Variants in FAM177A1 observed in about 807,000 individuals in gnomAD.
FAM177A1 encodes family with sequence similarity 177 member A1.
A neutral mutation model predicts 26.1 loss-of-function variants in FAM177A1; 22 were observed. The observed-to-expected ratio is 0.84, with a 90% confidence interval of 0.60 to 1.20. The LOEUF (loss-of-function observed/expected upper bound fraction) is 1.20, where lower values mean the gene tolerates loss of function less well. Ranked by LOEUF, FAM177A1 falls within the 50% of genes most tolerant of loss-of-function variation. The pLI, the probability that FAM177A1 is intolerant of heterozygous loss-of-function variation, is 0.00. For missense variants in FAM177A1, 296 were observed against 291.1 expected, an observed-to-expected ratio of 1.02 and a Z score of -0.12; for synonymous variants, 95 against 99.3, an observed-to-expected ratio of 0.96 and a Z score of 0.26.
In FAM177A1 at chr14:35,079,018, G is replaced by A. The variant is rs951531869; in HGVS notation, c.498G>A (p.Lys166=). 1 of 1,554,280 alleles carries A rather than the reference G, an allele frequency of 6.4e-7. No individual in the cohort carries two copies. The highest frequency in any genetic ancestry group is 8.6e-7 in the Non-Finnish European group (1 of 1,160,842). ...QYAIDEYYRM[K]KEEEEEEEEN... ...CCATTGATGAATATTATCGGATGAA[G>A]AAGGAGGTATGCCTCCTTTTTACAT... The change falls in exon 4 of 5, where the codon AAG becomes AAA. Residue 166 remains lysine, a synonymous_variant. Transcript: ENST00000280987.
chr14:35,048,372 C>T (rs544413665), intron 1 of FAM177A1, among the ~76,000 whole-genome samples: 22 of 152,148 alleles, frequency 1.4e-4, no homozygotes, highest in African/African-American at 4.6e-4. Flanking sequence ...TAGTGATATT[C>T]TGTTGTTTTC....
chr14:35,068,253 A>G (rs952286376), intron 2 of FAM177A1, among the ~76,000 whole-genome samples: 5 of 152,250 alleles, frequency 3.3e-5, no homozygotes, highest in African/African-American at 1.2e-4. Context: ...GTATGTTAAC[A>G]GATGATTGGT....
intron 1 of FAM177A1, among the ~76,000 whole-genome samples, chr14:35,048,845 T>C (rs1443879685): frequency 1.3e-5 from 2 of 151,380 alleles, no homozygotes; most frequent in African/African-American, 4.9e-5. Flanking sequence ...AGATAGGGTC[T>C]AGAATTAGGC....
At chr14:35,068,414 T>C (rs913035560) in intron 2 of FAM177A1, among the ~76,000 whole-genome samples, 7 of 152,264 alleles carry the variant, frequency 4.6e-5, no homozygotes, top group Admixed American at 4.6e-4. Flanking sequence ...TGCATTGTAC[T>C]TTGGCATGTA....
At chr14:35,060,874 G>A (rs112091096) in intron 2 of FAM177A1, among the ~76,000 whole-genome samples, 94 of 152,236 alleles carry the variant, frequency 6.2e-4, no homozygotes, top group African/African-American at 2.2e-3. Context: ...GTTCTGAGTA[G>A]CATCATAAAA....
chr14:35,053,818 G>A (rs959092341), intron 2 of FAM177A1, among the ~76,000 whole-genome samples: 2 of 151,752 alleles, frequency 1.3e-5, no homozygotes, highest in East Asian at 1.9e-4. Flanking sequence ...ATGGCAAAAC[G>A]CCATCTCTAC....
chr14:35,081,472 T>TA lies in FAM177A1; in HGVS notation c.*250dup, dbSNP rs913479731. ...GTGCTTTGGTTTTAAAATGATCTTT[T>TA]AAAAAAGTTAAGGACATCCTAGAGC... On this transcript the variant is annotated 3_prime_UTR_variant, in exon 5 of 5. Coordinates refer to ENST00000280987, the MANE Select transcript of FAM177A1 (RefSeq NM_173607.5). 4 of 313,090 alleles carry TA rather than the reference T, an allele frequency of 1.3e-5. No individual in the cohort carries two copies. The highest frequency in any genetic ancestry group is 6.5e-5 in the African/African-American group (3 of 46,012). 19.4% of individuals were successfully genotyped at this position (313,090 alleles called of 1,614,324 possible).
chr14:35,048,118 A>G (rs2044903474), intron 1 of FAM177A1, among the ~76,000 whole-genome samples: 2 of 152,212 alleles, frequency 1.3e-5, no homozygotes, highest in Non-Finnish European at 1.5e-5. Context: ...AGGGGACAAC[A>G]TGAATTGATA....
chr14:35,059,050 C>T (rs1441908425), intron 2 of FAM177A1, among the ~76,000 whole-genome samples: 3 of 152,012 alleles, frequency 2.0e-5, no homozygotes, highest in Non-Finnish European at 4.4e-5. Flanking sequence ...ATTCTCCTGC[C>T]TCAGCCTCCC....
chr14:35,073,085 T>TTC (rs2045347497), intron 2 of FAM177A1, among the ~76,000 whole-genome samples: 2 of 146,448 alleles, frequency 1.4e-5, no homozygotes, highest in Non-Finnish European at 3.0e-5. Context: ...TCTTCTTCTT[T>TTC]TTTTTGAGAC....
chr14:35,056,559 A>G (rs1003111034), intron 2 of FAM177A1, among the ~76,000 whole-genome samples: 3 of 151,818 alleles, frequency 2.0e-5, no homozygotes, highest in Non-Finnish European at 2.9e-5. Context: ...GGGTTTCAAC[A>G]TGTTGGTCAG....
At chr14:35,062,793 CAAA>C (rs11285301) in intron 2 of FAM177A1, among the ~76,000 whole-genome samples, 5 of 64,680 alleles carry the variant, frequency 7.7e-5, no homozygotes, top group Admixed American at 1.8e-4. Context: ...GACCCTGTCT[CAAA>C]AAAAAAAAAA....
At chr14:35,056,155 C>G (rs1435024683) in intron 2 of FAM177A1, among the ~76,000 whole-genome samples, 1 of 152,026 alleles carries the variant, frequency 6.6e-6, no homozygotes, top group Non-Finnish European at 1.5e-5. Context: ...CTGCCTCAGC[C>G]TCCTGAGTAG....
intron 1 of FAM177A1, among the ~76,000 whole-genome samples, chr14:35,049,091 A>G (rs1190607146): frequency 6.6e-6 from 1 of 152,004 alleles, no homozygotes; most frequent in Non-Finnish European, 1.5e-5. Flanking sequence ...GGGTTTCACC[A>G]TCTTGGTCAG....
Position 35,080,818 on chromosome 14 carries a change from C to T in FAM177A1, c.505-204C>T, listed in dbSNP as rs368467085. 3.3e-5 allele frequency among the ~76,000 whole-genome samples: 5 copies of T among 151,546 alleles called. No homozygotes were observed. The East Asian group carries it at 7.7e-4, about 23-fold the overall frequency. ...AAAAACAAACAACAAGAAAAAACTACTTTCCTTAAAATGTTTTACAGTGGT... is the reference window on the plus strand; with the variant it reads ...AAAAACAAACAACAAGAAAAAACTATTTTCCTTAAAATGTTTTACAGTGGT... On this transcript the variant is annotated intron_variant, in intron 4 of 4. Transcript: ENST00000280987.
In FAM177A1 at chr14:35,046,385, G is replaced by C. The variant is rs548591220; in HGVS notation, c.-79G>C. 6 of 1,314,368 alleles carry C rather than the reference G, an allele frequency of 4.6e-6. No homozygotes were observed. The African/African-American group carries it at 9.3e-5, about 20-fold the overall frequency. The allele number at this position is 1,314,368 out of a possible 1,614,324, so 81.4% of individuals were successfully genotyped here. On this transcript the variant is annotated 5_prime_UTR_variant, in exon 1 of 5. Transcript: ENST00000280987. ...CTTCTCAGAGACTTGGCTAGGCGCG[G>C]CGCGAGGCGGGCGCTGGGCGGGTGA...
intron 2 of FAM177A1, 83 bp downstream of exon 2, chr14:35,053,534 CT>C (rs34533382): frequency 8.1e-7 from 1 of 1,236,608 alleles, no homozygotes; most frequent in Admixed American, 2.1e-5. Context: ...TGGAAGGGAC[CT>C]TTTGAGGTTT....
At chr14:35,052,012 ATGTT>A (rs1165103278) in intron 1 of FAM177A1, among the ~76,000 whole-genome samples, 1 of 152,192 alleles carries the variant, frequency 6.6e-6, no homozygotes, top group Non-Finnish European at 1.5e-5. Flanking sequence ...AGAGAACAAA[ATGTT>A]TGTACTCTGG....
chr14:35,054,537 CAATA>C (rs1270828235), intron 2 of FAM177A1: 7 of 151,880 alleles, frequency 4.6e-5, no homozygotes, highest in East Asian at 1.9e-4. Context: ...AGAAGACAGG[CAATA>C]AATAAATATA....
Sources: gnomAD v4.1 joint callset for allele counts (sites outside exome capture counted in the v4.1 genomes callset) on GRCh38, gnomAD v4.1.1 for gene constraint, MANE v1.5 for transcripts, NCBI Gene and HGNC (gene_info 2026-07-23, HGNC 2026-07-21) for gene names.